Variants in NCKAP5 observed in about 807,000 individuals in gnomAD.
The protein encoded by NCKAP5 is NCK associated protein 5.
Under a neutral mutation model 167.0 loss-of-function variants are expected in NCKAP5, and 92 were observed. That is an observed-to-expected ratio of 0.55 (90% CI 0.47 to 0.66). The LOEUF (loss-of-function observed/expected upper bound fraction) is 0.66, where lower values mean the gene tolerates loss of function less well. NCKAP5 is among the 30% of genes least tolerant of loss of function. NCKAP5 has a pLI of 0.00. For missense variants in NCKAP5, 2,378 were observed against 2,315.0 expected (o/e 1.03, Z -0.56); for synonymous variants, 891 against 877.4 (o/e 1.02, Z -0.27).
intron 19 of NCKAP5, among the ~76,000 whole-genome samples, chr2:132,705,969 G>A (rs1207465149): frequency 2.6e-5 from 4 of 151,920 alleles, no homozygotes; most frequent in Non-Finnish European, 5.9e-5. Context: ...CTATATGTAT[G>A]TGTGTATTAA....
chr2:133,389,317 C>G (rs1330617687), intron 3 of NCKAP5, among the ~76,000 whole-genome samples: 1 of 152,230 alleles, frequency 6.6e-6, no homozygotes, highest in Non-Finnish European at 1.5e-5. Flanking sequence ...CAAGCCACTC[C>G]TCTGTGTTCA....
intron 5 of NCKAP5, among the ~76,000 whole-genome samples, chr2:133,195,744 C>T (rs1384864696): frequency 6.6e-6 from 1 of 152,054 alleles, no homozygotes; most frequent in Non-Finnish European, 1.5e-5. Flanking sequence ...CAATTCAACC[C>T]ATAAGAGAAG....
chr2:132,679,777 C>T (rs1427275020), intron 19 of NCKAP5, among the ~76,000 whole-genome samples: 12 of 152,094 alleles, frequency 7.9e-5, no homozygotes, highest in African/African-American at 2.9e-4. Flanking sequence ...ATCTTGAGCA[C>T]TGGGAAGATG....
intron 16 of NCKAP5, among the ~76,000 whole-genome samples, chr2:132,763,542 A>C (rs1681190130): frequency 6.6e-6 from 1 of 152,192 alleles, no homozygotes; most frequent in Admixed American, 6.5e-5. Flanking sequence ...TCATTTAATT[A>C]ATATGGGGTG....
intron 3 of NCKAP5, among the ~76,000 whole-genome samples, chr2:133,309,001 C>T (rs372071976): frequency 3.3e-5 from 5 of 151,826 alleles, no homozygotes; most frequent in South Asian, 2.1e-4. Flanking sequence ...TGAGCCACCG[C>T]GCCCGGCCGA....
At chr2:133,529,821 T>C (rs532182340) in intron 2 of NCKAP5, among the ~76,000 whole-genome samples, 2 of 152,290 alleles carry the variant, frequency 1.3e-5, no homozygotes, top group East Asian at 1.9e-4. Context: ...TGTGGTTATC[T>C]GAACTATTTT....
intron 8 of NCKAP5, among the ~76,000 whole-genome samples, chr2:132,893,615 A>C (rs1376464166): frequency 2.6e-5 from 4 of 152,220 alleles, no homozygotes; most frequent in Non-Finnish European, 5.9e-5. Context: ...AAATTAAATT[A>C]TATTGTTAAG....
intron 3 of NCKAP5, among the ~76,000 whole-genome samples, chr2:133,407,864 G>T (rs529128295): frequency 1.1e-4 from 16 of 152,312 alleles, no homozygotes; most frequent in Admixed American, 9.8e-4. Flanking sequence ...TGTTTAGGAA[G>T]GAGGTCGATA....
chr2:133,202,618 A>C (rs1023868081), intron 5 of NCKAP5, among the ~76,000 whole-genome samples: 3 of 152,212 alleles, frequency 2.0e-5, no homozygotes, highest in Admixed American at 2.0e-4. Context: ...GAATGGGAGA[A>C]AATTTTTGCA....
intron 6 of NCKAP5, among the ~76,000 whole-genome samples, chr2:133,115,775 GTATATATATATATATATATATATATA>G (rs10683280): frequency 6.4e-5 from 6 of 94,304 alleles, no homozygotes; most frequent in African/African-American, 1.0e-4. Context: ...ATGTGTGTGT[GTATATATATATATATATATATATATA>G]TATATATATA....
chr2:133,487,063 G>C (rs543756966), intron 3 of NCKAP5, among the ~76,000 whole-genome samples: 1 of 152,060 alleles, frequency 6.6e-6, no homozygotes, highest in African/African-American at 2.4e-5. Flanking sequence ...AAAATAGCCC[G>C]GACATTTTCC....
At chr2:133,513,314 G>C (rs1683658798) in intron 3 of NCKAP5, among the ~76,000 whole-genome samples, 1 of 152,206 alleles carries the variant, frequency 6.6e-6, no homozygotes, top group Non-Finnish European at 1.5e-5. Context: ...TTAGGCAAAG[G>C]TGCCCAGTTC....
rs192147856 is a variant in NCKAP5 at position 133,360,517 on chromosome 2, A to T, written c.70-57407T>A. Among the ~76,000 whole-genome samples, 5 of 152,290 alleles carry T rather than the reference A, an allele frequency of 3.3e-5. No individual in the cohort carries two copies. The East Asian group carries it at 9.7e-4, about 29-fold the overall frequency. On this transcript the variant is annotated intron_variant, in intron 3 of 19. Coordinates refer to ENST00000409261, the MANE Select transcript of NCKAP5 (RefSeq NM_207363.3). ...GCTCAGTGAGATGCTCTGGAAGAGG[A>T]AGATCATAGTCAGTGTTTGCGTGAC...
At chr2:133,133,339 A>C (rs1465780075) in intron 5 of NCKAP5, among the ~76,000 whole-genome samples, 1 of 152,204 alleles carries the variant, frequency 6.6e-6, no homozygotes, top group Admixed American at 6.5e-5. Context: ...GGAGAGCCTC[A>C]TGATGATTTT....
intron 19 of NCKAP5, among the ~76,000 whole-genome samples, chr2:132,689,185 C>T (rs1009117982): frequency 2.0e-5 from 3 of 151,954 alleles, no homozygotes; most frequent in Admixed American, 2.0e-4. Context: ...ACCATTCACT[C>T]TAGATTAACC....
intron 16 of NCKAP5, among the ~76,000 whole-genome samples, chr2:132,740,205 G>C (rs1261312795): frequency 1.3e-5 from 2 of 152,076 alleles, no homozygotes; most frequent in African/African-American, 4.8e-5. Context: ...AACATACAAT[G>C]AGGCCCCAAC....
intron 6 of NCKAP5, among the ~76,000 whole-genome samples, chr2:133,004,546 T>C (rs1004401117): frequency 1.3e-5 from 2 of 151,908 alleles, no homozygotes; most frequent in Non-Finnish European, 2.9e-5. Context: ...GGTGTACGAA[T>C]AGGGAGTGGG....
intron 4 of NCKAP5, among the ~76,000 whole-genome samples, chr2:133,256,331 T>C (rs2088617620): frequency 6.6e-6 from 1 of 152,260 alleles, no homozygotes; most frequent in Admixed American, 6.5e-5. Flanking sequence ...AAACCCTTCA[T>C]CTGAATTAAC....
chr2:132,675,841 T>TAAAAAAAAA (rs554167462), intron 19 of NCKAP5, among the ~76,000 whole-genome samples: 1 of 140,698 alleles, frequency 7.1e-6, no homozygotes, highest in African/African-American at 2.6e-5. Flanking sequence ...GACCATTATT[T>TAAAAAAAAA]AAAAAAAAAA....
Sources: allele counts gnomAD v4.1 joint callset (sites outside exome capture counted in the v4.1 genomes callset), GRCh38; gene constraint gnomAD v4.1.1; transcripts MANE v1.5; gene names NCBI Gene and HGNC (gene_info 2026-07-23, HGNC 2026-07-21).